SEC16A: variants seen among roughly 807,000 people sequenced by gnomAD.
The protein encoded by SEC16A is protein transport protein Sec16A.
In SEC16A, 110 loss-of-function variants were observed where a neutral mutation model predicts 221.9. The ratio of observed to expected loss-of-function variants is 0.50; its 90% CI spans 0.42 to 0.58. The LOEUF (loss-of-function observed/expected upper bound fraction) is 0.58. Ranked by LOEUF, SEC16A falls within the 20% of genes least tolerant of loss-of-function variation. The pLI is 0.00. For synonymous variants in SEC16A, 1,393 were observed against 1,257.7 expected, an observed-to-expected ratio of 1.11 and a Z score of -2.28; for missense variants, 3,165 against 3,097.8, an observed-to-expected ratio of 1.02 and a Z score of -0.52.
chr9:136,465,929 A>G (rs960789832), intron 8 of SEC16A, 33 bp downstream of exon 8: 11 of 1,589,948 alleles, frequency 6.9e-6, no homozygotes, highest in South Asian at 2.2e-5. Flanking sequence ...CAGTGGGGTT[A>G]GCCGGTATCC....
chr9:136,467,229 AC>A, intron 5 of SEC16A, 146 bp from the exon 6 acceptor site: 2 of 887,940 alleles, frequency 2.3e-6, no homozygotes, highest in Non-Finnish European at 3.4e-6. Flanking sequence ...CCAGCACGAC[AC>A]CAGGAAGCCA....
intron 30 of SEC16A, 80 bp downstream of exon 30, chr9:136,444,972 G>T: frequency 7.7e-7 from 1 of 1,298,174 alleles, no homozygotes; most frequent in Non-Finnish European, 1.1e-6. Context: ...AGCGCACGTG[G>T]CGAACCGGCA....
At chr9:136,455,862 C>G (rs1020580163) in intron 19 of SEC16A, 69 bp from the exon 20 acceptor site, 2 of 1,443,654 alleles carry the variant, frequency 1.4e-6, no homozygotes, top group African/African-American at 2.8e-5. Flanking sequence ...CCGCCTGCCA[C>G]CACCGCGCTT....
chr9:136,448,724 C>T, intron 23 of SEC16A: 2 of 693,376 alleles, frequency 2.9e-6, no homozygotes, highest in South Asian at 3.0e-5. Flanking sequence ...GGCAGATCCA[C>T]AGAGACACCA....
intron 30 of SEC16A, among the ~76,000 whole-genome samples, chr9:136,444,257 AG>A (rs1836630447): frequency 6.6e-6 from 1 of 152,146 alleles, no homozygotes; most frequent in Non-Finnish European, 1.5e-5. Context: ...TGCAGGCGGA[AG>A]GGTCGCTGCA....
In SEC16A at chr9:136,468,942, C is replaced by CG. The variant is rs1588974550; in HGVS notation, c.3705-431_3705-430insC. On this transcript the variant is annotated intron_variant, in intron 4 of 31. Coordinates refer to ENST00000684901, the MANE Select transcript of SEC16A (RefSeq NM_014866.2). ...TCAGCTTAACACAACCTCCACCTCC[C>CG]AGGCTCAAGCAATCCTCCCACCTCA... Among the ~76,000 whole-genome samples, 3 of 152,272 alleles carry CG rather than the reference C, an allele frequency of 2.0e-5. No homozygotes were observed. In the East Asian group the frequency reaches 5.8e-4, roughly 29 times the overall value.
At chr9:136,451,141 T>C in intron 23 of SEC16A, 115 bp downstream of exon 23, 1 of 1,093,382 alleles carries the variant, frequency 9.1e-7, no homozygotes, top group Non-Finnish European at 1.3e-6. Flanking sequence ...ACTCGGCTGT[T>C]TGTATCAGGA....
intron 4 of SEC16A, among the ~76,000 whole-genome samples, chr9:136,469,812 G>T (rs963339264): frequency 6.6e-6 from 1 of 152,232 alleles, no homozygotes; most frequent in African/African-American, 2.4e-5. Context: ...CAGCACCTCT[G>T]CATGAGACGG....
chr9:136,464,736 A>T (rs1839933232), intron 8 of SEC16A, among the ~76,000 whole-genome samples, 174 bp from the exon 9 acceptor site: 1 of 152,234 alleles, frequency 6.6e-6, no homozygotes, highest in Non-Finnish European at 1.5e-5. Context: ...ACTTCAGCAT[A>T]CGTCAGGAAA....
In SEC16A at chr9:136,459,945, G is replaced by A. The variant is rs1839247158; in HGVS notation, c.5074-71C>T. On this transcript the variant is annotated intron_variant, in intron 14 of 31. Coordinates refer to ENST00000684901, the MANE Select transcript of SEC16A (RefSeq NM_014866.2). The surrounding 1 kb of genome is among the most constrained non-coding windows in gnomAD (Gnocchi z 6.1). ...CGCCATTTCAATTCCACACAGCTGG[G>A]CTCACCAGGCACCTCACGGCCTGTG... is the stretch of plus-strand genomic sequence containing the variant. The A allele has an allele frequency of 5.2e-6, 8 of 1,533,994 alleles. No homozygotes were observed. In the Admixed American group the frequency reaches 1.3e-4, roughly 25 times the overall value.
rs182975414 is a variant in SEC16A, at chr9:136,457,147, C to T, written c.5550+297G>A. On this transcript the variant is annotated intron_variant, in intron 18 of 31. Transcript: ENST00000684901. ...GAGATTGCACCACACTGCACTCCAG[C>T]CTGGGTGACAGAGTGAGACTGCGTC... Among the ~76,000 whole-genome samples the T allele has an allele frequency of 2.4e-3, 363 of 152,316 alleles. 2 individuals carry two copies. Among genetic ancestry groups the T allele is most frequent in the Non-Finnish European group, 4.0e-3 (273 of 68,012 alleles).
intron 1 of SEC16A, 23 bp downstream of exon 1, chr9:136,482,915 C>G: frequency 1.1e-6 from 1 of 943,184 alleles, no homozygotes; most frequent in Non-Finnish European, 1.3e-6. Flanking sequence ...CGCTCGCCCC[C>G]TCACCCGCGC....
intron 23 of SEC16A, among the ~76,000 whole-genome samples, chr9:136,449,976 G>T (rs1214334572): frequency 1.3e-5 from 2 of 152,106 alleles, no homozygotes; most frequent in Non-Finnish European, 2.9e-5. Context: ...GGCCAAGGCA[G>T]GCAGATCACT....
chr9:136,449,658 A>G (rs548953427), intron 23 of SEC16A, among the ~76,000 whole-genome samples: 46 of 152,326 alleles, frequency 3.0e-4, no homozygotes, highest in Non-Finnish European at 5.4e-4. Flanking sequence ...CTTCTACTGA[A>G]GAAAGAGGAG....
chr9:136,463,921 A>T (rs1588953859), intron 9 of SEC16A, among the ~76,000 whole-genome samples, 181 bp from the exon 10 acceptor site: 1 of 152,272 alleles, frequency 6.6e-6, no homozygotes, highest in South Asian at 2.1e-4. Flanking sequence ...TGTGTGGACC[A>T]CAGCCATGAT....
In SEC16A at chr9:136,466,212, A is replaced by C; in HGVS notation, c.4128+52T>G. The C allele has an allele frequency of 6.4e-7, 1 of 1,574,308 alleles. No individual in the cohort carries two copies. The highest frequency in any genetic ancestry group is 1.2e-5 in the South Asian group (1 of 86,174). On this transcript the variant is annotated intron_variant, in intron 7 of 31. Transcript: ENST00000684901. This position sits in a 1 kb window ranked among gnomAD's most constrained non-coding sequence, Gnocchi z 5.5. ...AAACTTTAGGTACATTGCAAACAGG[A>C]TGGTGGTTCTAAACACAACCGTCCG...
At chr9:136,483,492 G>A, upstream of SEC16A, 4 of 950,610 alleles carry the variant, frequency 4.2e-6, no homozygotes, top group Non-Finnish European at 4.9e-6. Flanking sequence ...CCCCTCCGGC[G>A]TCCGTCTGCC....
chr9:136,448,125 T>C lies in SEC16A; in HGVS notation c.6349A>G (p.Lys2117Glu). 6.2e-7 allele frequency: 1 copy of C among 1,613,712 alleles called. No individual in the cohort carries two copies. The highest frequency in any genetic ancestry group is 1.3e-5 in the African/African-American group (1 of 74,978). The change falls in exon 24 of 32, where the codon AAA becomes GAA. Residue 2117 changes from lysine (K) to glutamate (E), a missense_variant. By Grantham distance (56) the Lys-to-Glu change is moderately conservative. This residue lies in a region of SEC16A where 1,088 missense variants were observed against 1,089.6 expected (regional missense o/e 1.00). Coordinates refer to ENST00000684901, the MANE Select transcript of SEC16A (RefSeq NM_014866.2). ...SWFFRWLPGKKKTEAYLPDDK... is the reference protein window; with the variant it reads ...SWFFRWLPGKEKTEAYLPDDK... ...TCTGGCAAATAAGCTTCTGTCTTTT[T>C]CTTTCCAGGTAGCCAACGAAAGAAC... is the stretch of plus-strand genomic sequence containing the variant.
Position 136,477,595 on chromosome 9 carries a change from C to T in SEC16A, c.21G>A (p.Thr7=), listed in dbSNP as rs777057811. The change falls in exon 3 of 32, where the codon ACG becomes ACA. Residue 7 remains threonine, a synonymous_variant. Transcript: ENST00000684901. ...GTGGCCCAGCCATGCCAGACGGGAC[C>T]GTCTGGGGCGGTGGCTGCATGACTG... MQPPPQ[T]VPSGMAGPPP... is the part of the protein sequence containing the mutation. 7 of 1,609,374 alleles carry T rather than the reference C, an allele frequency of 4.3e-6. No homozygotes were observed. Among genetic ancestry groups the T allele is most frequent in the African/African-American group, 2.7e-5 (2 of 74,832 alleles).
Sources: gnomAD v4.1 joint callset for allele counts (sites outside exome capture counted in the v4.1 genomes callset) on GRCh38, gnomAD v4.1.1 for gene constraint, gnomAD v4.1.1 regional missense constraint, Gnocchi (gnomAD v3.1) non-coding constraint, MANE v1.5 for transcripts, NCBI Gene and HGNC (gene_info 2026-07-23, HGNC 2026-07-21) for gene names.